Variants in FRAS1 observed in about 807,000 individuals in gnomAD.
FRAS1 encodes the protein Fraser extracellular matrix complex subunit 1.
A neutral mutation model predicts 435.2 loss-of-function variants in FRAS1; 290 were observed. The observed-to-expected ratio is 0.67, with a 90% CI of 0.61 to 0.73. FRAS1 has a LOEUF of 0.73. Ranked by LOEUF, FRAS1 falls within the 30% of genes least tolerant of loss-of-function variation. The pLI, the probability that FRAS1 is intolerant of heterozygous loss-of-function variation, is 0.00. For missense variants in FRAS1, 4,860 were observed against 5,001.5 expected (o/e 0.97, Z 0.85); for synonymous variants, 1,800 against 1,851.0 (o/e 0.97, Z 0.71).
intron 2 of FRAS1, among the ~76,000 whole-genome samples, chr4:78,116,640 C>T (rs1280590530): frequency 6.6e-6 from 1 of 152,158 alleles, no homozygotes; most frequent in Non-Finnish European, 1.5e-5. Context: ...TTATCAGAGA[C>T]TAGGATTGCA....
intron 30 of FRAS1, among the ~76,000 whole-genome samples, chr4:78,406,425 A>G (rs538441712): frequency 6.6e-6 from 1 of 152,334 alleles, no homozygotes; most frequent in South Asian, 2.1e-4. Flanking sequence ...GAATCATGGC[A>G]GGAGGAGAAA....
At chr4:78,140,700 T>C (rs1345766313) in intron 2 of FRAS1, among the ~76,000 whole-genome samples, 1 of 77,830 alleles carries the variant, frequency 1.3e-5, no homozygotes, top group Non-Finnish European at 2.5e-5. Context: ...CATATGTGTA[T>C]ATGCATATAC....
At chr4:78,255,513 A>C (rs1013732940) in intron 6 of FRAS1, 138 bp downstream of exon 6, 15 of 834,982 alleles carry the variant, frequency 1.8e-5, no homozygotes, top group Non-Finnish European at 2.4e-5. Flanking sequence ...ATACTTTTGG[A>C]GACCACCTCT....
At chr4:78,509,246 T>C (rs1048629893) in intron 63 of FRAS1, among the ~76,000 whole-genome samples, 3 of 152,246 alleles carry the variant, frequency 2.0e-5, no homozygotes, top group Non-Finnish European at 2.9e-5. Context: ...AACTAAATAA[T>C]GTTAAGAGGT....
intron 15 of FRAS1, 83 bp from the exon 16 acceptor site, chr4:78,315,511 T>G (rs1229120198): frequency 7.4e-7 from 1 of 1,349,068 alleles, no homozygotes; most frequent in Admixed American, 2.4e-5. Context: ...TTGATACCCA[T>G]TGTGGATATT....
At chr4:78,298,829 A>G (rs573575276) in intron 14 of FRAS1, among the ~76,000 whole-genome samples, 2 of 152,294 alleles carry the variant, frequency 1.3e-5, no homozygotes, top group South Asian at 2.1e-4. Flanking sequence ...GGGGTTTGCA[A>G]TGACTAAAAC....
intron 25 of FRAS1, among the ~76,000 whole-genome samples, chr4:78,374,625 T>C (rs796608588): frequency 1.4e-4 from 21 of 152,346 alleles, no homozygotes; most frequent in African/African-American, 5.1e-4. Flanking sequence ...GATTCTGACA[T>C]TGGCATAAAT....
At chr4:78,294,087 T>A (rs552730562) in intron 14 of FRAS1, among the ~76,000 whole-genome samples, 1 of 152,354 alleles carries the variant, frequency 6.6e-6, no homozygotes, top group African/African-American at 2.4e-5. Flanking sequence ...TTAGCTAGAC[T>A]GTATGGCATA....
intron 2 of FRAS1, among the ~76,000 whole-genome samples, chr4:78,094,659 G>A (rs1741703801): frequency 6.6e-6 from 1 of 152,072 alleles, no homozygotes; most frequent in Non-Finnish European, 1.5e-5. Context: ...ATTAATTATT[G>A]TATAGTCAAT....
chr4:78,281,270 C>G (rs147063140), intron 10 of FRAS1, 128 bp from the exon 11 acceptor site: 1 of 619,984 alleles, frequency 1.6e-6, no homozygotes, highest in African/African-American at 2.0e-5. Flanking sequence ...GATTTCATCT[C>G]TATTCATAAC....
rs1560419713 is a variant in FRAS1, at chr4:78,511,386, G to A, written c.9893G>A (p.Gly3298Glu). 1.9e-6 allele frequency: 3 copies of A among 1,613,954 alleles called. No homozygotes were observed. The highest frequency in any genetic ancestry group is 2.5e-6 in the Non-Finnish European group (3 of 1,179,866). The change falls in exon 64 of 74, where the codon GGA (glycine) becomes GAA (glutamate). Residue 3298 changes from glycine (G) to glutamate (E), a missense_variant. Physicochemically the swap from Gly to Glu is moderately conservative, Grantham distance 98 (BLOSUM62 -2). Coordinates refer to ENST00000512123, the MANE Select transcript of FRAS1 (RefSeq NM_025074.7). ...TPLRSNIVTI[G>E]TDSAICHTPV... is the part of the protein sequence containing the mutation. ...TTAAGGAGCAACATTGTTACCATTG[G>A]AACAGACAGTGCTATCTGCCACACA...
chr4:78,466,063 T>A, intron 49 of FRAS1, 145 bp from the exon 50 acceptor site: 1 of 627,636 alleles, frequency 1.6e-6, no homozygotes, highest in South Asian at 2.0e-5. Flanking sequence ...TTTAGCTCTA[T>A]CTTTGGTGTC....
chr4:78,491,927 C>T (rs1720364245), intron 59 of FRAS1, among the ~76,000 whole-genome samples: 1 of 152,206 alleles, frequency 6.6e-6, no homozygotes, highest in African/African-American at 2.4e-5. Flanking sequence ...CCCAAATCTC[C>T]TTAAGCTGAT....
intron 26 of FRAS1, 80 bp downstream of exon 26, chr4:78,375,959 A>G (rs1438173178): frequency 2.0e-6 from 3 of 1,499,180 alleles, no homozygotes; most frequent in Non-Finnish European, 2.8e-6. Flanking sequence ...GACATAATTG[A>G]CTTATGTGAT....
intron 15 of FRAS1, among the ~76,000 whole-genome samples, chr4:78,314,400 C>T (rs1729153413): frequency 6.6e-6 from 1 of 152,088 alleles, no homozygotes; most frequent in East Asian, 1.9e-4. Context: ...GTTTTTTCTT[C>T]ACTGCTCTCA....
chr4:78,282,905 C>T lies in FRAS1; in HGVS notation c.1193C>T (p.Pro398Leu). The change falls in exon 12 of 74, where the codon CCA becomes CTA. Residue 398 changes from proline to leucine, a missense_variant. Coordinates refer to ENST00000512123, the MANE Select transcript of FRAS1 (RefSeq NM_025074.7). ...QVTCYEPSCP[P>L]CPVGTLALEV... ...ACTTGCTACGAGCCCTCTTGCCCACCATGTCCAGTGGGCACACTGGCCTTA... is the reference window on the plus strand; with the variant it reads ...ACTTGCTACGAGCCCTCTTGCCCACTATGTCCAGTGGGCACACTGGCCTTA... 6.2e-7 allele frequency: 1 copy of T among 1,611,878 alleles called. No individual in the cohort carries two copies. Among genetic ancestry groups the T allele is most frequent in the Non-Finnish European group, 8.5e-7 (1 of 1,179,148 alleles).
At chr4:78,154,284 C>G (rs1180838590) in intron 2 of FRAS1, among the ~76,000 whole-genome samples, 1 of 152,100 alleles carries the variant, frequency 6.6e-6, no homozygotes, top group African/African-American at 2.4e-5. Context: ...TGATCTCATT[C>G]TCTTGGAACT....
At chr4:78,526,347 C>T (rs1235765057) in intron 69 of FRAS1, among the ~76,000 whole-genome samples, 194 bp from the exon 70 acceptor site, 2 of 152,202 alleles carry the variant, frequency 1.3e-5, no homozygotes, top group African/African-American at 4.8e-5. Context: ...TATTTAACAC[C>T]TCTGGATAAT....
intron 2 of FRAS1, among the ~76,000 whole-genome samples, chr4:78,082,217 C>A (rs1740931099): frequency 6.6e-6 from 1 of 152,050 alleles, no homozygotes; most frequent in African/African-American, 2.4e-5. Flanking sequence ...TACACAAACT[C>A]TTCTTTATTG....
Sources: gnomAD v4.1 joint callset for allele counts (sites outside exome capture counted in the v4.1 genomes callset) on GRCh38, gnomAD v4.1.1 for gene constraint, MANE v1.5 for transcripts, NCBI Gene and HGNC (gene_info 2026-07-23, HGNC 2026-07-21) for gene names.